RFC4: variants seen among roughly 807,000 people sequenced by gnomAD.
RFC4 encodes replication factor C subunit 4.
In RFC4, 38 loss-of-function variants were observed where a neutral mutation model predicts 47.6. The observed-to-expected ratio is 0.80, with a 90% CI of 0.62 to 1.05. The LOEUF is 1.05. Among genes scored for constraint, RFC4 ranks in the 50% least tolerant of loss-of-function variants. The pLI, the probability that RFC4 is intolerant of heterozygous loss-of-function variation, is 0.00. For missense variants in RFC4, 489 were observed against 434.0 expected (o/e 1.13, Z -1.13); for synonymous variants, 164 against 150.0 (o/e 1.09, Z -0.68).
chr3:186,792,776 G>C (rs778656348), intron 6 of RFC4, 28 bp downstream of exon 6: 1 of 1,584,388 alleles, frequency 6.3e-7, no homozygotes, highest in Admixed American at 1.9e-5. Flanking sequence ...AGGCTGCCTA[G>C]CATCTGTCTT....
rs1035024382 is a variant in RFC4, at chr3:186,796,056, T to C, written c.291-1279A>G. Among the ~76,000 whole-genome samples, 18 of 131,294 alleles carry C rather than the reference T, an allele frequency of 1.4e-4. 1 individual carries two copies. The highest frequency in any genetic ancestry group is 6.8e-4 in the Admixed American group (9 of 13,186). The allele number at this position is 131,294 out of a possible 152,430, so 86.1% of individuals were successfully genotyped here. A position where few individuals can be genotyped will look rare whatever the true frequency, so the allele number is the denominator to read the frequency against. On this transcript the variant is annotated intron_variant, in intron 4 of 10. Transcript: ENST00000296273. This position sits in a 1 kb window ranked among gnomAD's most constrained non-coding sequence, Gnocchi z 4.2. Reference sequence around the variant, plus strand: ...ACACACACACACACACACACACACATTTAAATAAAAAACAAGAGTTGTGAT... The same window carrying C: ...ACACACACACACACACACACACACACTTAAATAAAAAACAAGAGTTGTGAT...
At chr3:186,791,679 C>CA (rs1722141888) in intron 8 of RFC4, 46 bp downstream of exon 8, 2 of 1,595,566 alleles carry the variant, frequency 1.3e-6, no homozygotes, top group Admixed American at 1.7e-5. Context: ...CTAAAAGCCA[C>CA]AAAAAAGCCA....
intron 2 of RFC4, among the ~76,000 whole-genome samples, chr3:186,803,526 CAG>C (rs1722404380): frequency 6.6e-6 from 1 of 151,966 alleles, no homozygotes; most frequent in Non-Finnish European, 1.5e-5. Context: ...TTATTTGAGA[CAG>C]AGTCTCGTTC....
In RFC4 at chr3:186,793,329, T is replaced by G. The variant is rs1399382014; in HGVS notation, c.411-382A>C. Among the ~76,000 whole-genome samples the G allele has an allele frequency of 6.6e-6, 1 of 152,238 alleles. No homozygotes were observed. The highest frequency in any genetic ancestry group is 2.4e-5 in the African/African-American group (1 of 41,466). On this transcript the variant is annotated intron_variant, in intron 5 of 10. Coordinates refer to ENST00000296273, the MANE Select transcript of RFC4 (RefSeq NM_002916.5). The surrounding 1 kb of genome is among the most constrained non-coding windows in gnomAD (Gnocchi z 4.2). ...AAAGGTTCATCCATATTGTAGCATG[T>G]GTTTGCGTCATTCCTTTGTATTGTC...
At position 186,793,017 on chromosome 3, in the gene RFC4, T is replaced by C; in HGVS notation, c.411-70A>G. The C allele has an allele frequency of 3.2e-6, 4 of 1,264,488 alleles. No homozygotes were observed. The highest frequency in any genetic ancestry group is 4.4e-6 in the Non-Finnish European group (4 of 902,290). The allele number at this position is 1,264,488 out of a possible 1,614,324, so 78.3% of individuals were successfully genotyped here. On this transcript the variant is annotated intron_variant, in intron 5 of 10. Coordinates refer to ENST00000296273, the MANE Select transcript of RFC4 (RefSeq NM_002916.5). This position sits in a 1 kb window ranked among gnomAD's most constrained non-coding sequence, Gnocchi z 4.2. ...TGGTTTTAACAGCTTTGTTGAAAGA[T>C]ACACGTACCATACAATTCACCCATT...
At chr3:186,798,486 T>C (rs1383385307) in intron 3 of RFC4, among the ~76,000 whole-genome samples, 1 of 152,032 alleles carries the variant, frequency 6.6e-6, no homozygotes, top group Non-Finnish European at 1.5e-5. Context: ...ATTCTTCACC[T>C]AAATCAGATA....
In RFC4 at chr3:186,790,310, A is replaced by G. The variant is rs1470437893; in HGVS notation, c.882+16T>C. 1.9e-6 allele frequency: 3 copies of G among 1,612,840 alleles called. No individual in the cohort carries two copies. The highest frequency in any genetic ancestry group is 2.5e-6 in the Non-Finnish European group (3 of 1,178,898). Reference sequence around the variant, plus strand: ...ACTTAATATTCCTTTCCCCAAAGTTAGTAAGCTGACTTTACCTTGACCACA... The same window carrying G: ...ACTTAATATTCCTTTCCCCAAAGTTGGTAAGCTGACTTTACCTTGACCACA... On this transcript the variant is annotated intron_variant, in intron 9 of 10. Transcript: ENST00000296273.
chr3:186,790,733 G>A (rs1230167076), intron 8 of RFC4, among the ~76,000 whole-genome samples: 1 of 152,192 alleles, frequency 6.6e-6, no homozygotes, highest in Non-Finnish European at 1.5e-5. Flanking sequence ...CAGTGGCCAA[G>A]ATCAATCAAA....
Position 186,789,924 on chromosome 3 carries a change from TACA to T in RFC4, c.*42_*44del. On this transcript the variant is annotated 3_prime_UTR_variant, in exon 11 of 11. Transcript: ENST00000296273. ...GTGCTTTTGGTCATTTTATTTTTATTACAACTTCATTATTTACAAAACCCCCCA... is the reference window on the plus strand; with the variant it reads ...GTGCTTTTGGTCATTTTATTTTTATTACTTCATTATTTACAAAACCCCCCA... 1 of 1,219,806 alleles carries T rather than the reference TACA, an allele frequency of 8.2e-7. No homozygotes were observed. Among genetic ancestry groups the T allele is most frequent in the Non-Finnish European group, 1.2e-6 (1 of 840,520 alleles). The allele number at this position is 1,219,806 out of a possible 1,614,324, so 75.6% of individuals were successfully genotyped here.
chr3:186,805,727 A>T (rs957670718), intron 1 of RFC4: 2 of 152,230 alleles, frequency 1.3e-5, no homozygotes, highest in Admixed American at 6.5e-5. Flanking sequence ...ACTATTTCTA[A>T]CATGCAGGTA....
chr3:186,797,320 C>G (rs2108470665), intron 4 of RFC4, among the ~76,000 whole-genome samples: 1 of 152,248 alleles, frequency 6.6e-6, no homozygotes, highest in South Asian at 2.1e-4. Flanking sequence ...CACACTTGAA[C>G]AAGATTCACA....
intron 2 of RFC4, among the ~76,000 whole-genome samples, chr3:186,803,237 G>A (rs1187414144): frequency 1.3e-5 from 2 of 151,926 alleles, no homozygotes; most frequent in African/African-American, 4.8e-5. Context: ...CAGCTACTCG[G>A]GAGGCTGAGG....
Position 186,790,701 on chromosome 3 carries a change from C to G in RFC4, c.802-295G>C, listed in dbSNP as rs3917139. 5.3e-5 allele frequency among the ~76,000 whole-genome samples: 8 copies of G among 151,928 alleles called. No individual in the cohort carries two copies. The South Asian group carries it at 1.7e-3, about 32-fold the overall frequency. On this transcript the variant is annotated intron_variant, in intron 8 of 10. Transcript: ENST00000296273. Reference sequence around the variant, plus strand: ...GGATGAAGATTAAGTTTTCCCCTAGCGGCTATAACGATTCCTCAGAACAGT... The same window carrying G: ...GGATGAAGATTAAGTTTTCCCCTAGGGGCTATAACGATTCCTCAGAACAGT...
In RFC4 at chr3:186,796,540, C is replaced by T. The variant is rs1360470960; in HGVS notation, c.290+995G>A. Among the ~76,000 whole-genome samples, 5 of 151,856 alleles carry T rather than the reference C, an allele frequency of 3.3e-5. No homozygotes were observed. Among genetic ancestry groups the T allele is most frequent in the Non-Finnish European group, 7.4e-5 (5 of 67,980 alleles). ...TGTCACCCAGGCTGGAGTGCAGTGG[C>T]GTGATCTCGGCTCACTGCAACCTCT... On this transcript the variant is annotated intron_variant, in intron 4 of 10. Transcript: ENST00000296273. This position sits in a 1 kb window ranked among gnomAD's most constrained non-coding sequence, Gnocchi z 4.2.
At position 186,789,968 on chromosome 3, in the gene RFC4, G is replaced by T; in HGVS notation, c.*1C>A. 2 of 1,585,878 alleles carry T rather than the reference G, an allele frequency of 1.3e-6. No individual in the cohort carries two copies. Among genetic ancestry groups the T allele is most frequent in the Non-Finnish European group, 1.7e-6 (2 of 1,155,276 alleles). ...AAACCCCCCATCCAGATATATTCAC[G>T]TTAACAATTCTGAGATAACTGCTGC... On this transcript the variant is annotated 3_prime_UTR_variant, in exon 11 of 11. Coordinates refer to ENST00000296273, the MANE Select transcript of RFC4 (RefSeq NM_002916.5).
chr3:186,789,960 ATAT>A lies in RFC4; in HGVS notation c.*6_*8del. 6.5e-7 allele frequency: 1 copy of A among 1,543,110 alleles called. No individual in the cohort carries two copies. The highest frequency in any genetic ancestry group is 9.0e-7 in the Non-Finnish European group (1 of 1,116,788). On this transcript the variant is annotated 3_prime_UTR_variant, in exon 11 of 11. Transcript: ENST00000296273. The stretch of plus-strand genomic sequence containing the variant: ...TATTTACAAAACCCCCCATCCAGAT[ATAT>A]TCACGTTAACAATTCTGAGATAACT...
At chr3:186,792,343 A>G (rs1463389217) in intron 7 of RFC4, 147 bp downstream of exon 7, 11 of 657,718 alleles carry the variant, frequency 1.7e-5, no homozygotes, top group Non-Finnish European at 2.6e-5. Context: ...ATTCCTACAC[A>G]TTTCAATTGT....
chr3:186,797,762 G>T, intron 3 of RFC4, 148 bp from the exon 4 acceptor site: 5 of 556,932 alleles, frequency 9.0e-6, no homozygotes, highest in Non-Finnish European at 1.6e-5. Flanking sequence ...TAATATAACT[G>T]ATATCATAGT....
At chr3:186,801,880 G>A (rs1309436301) in intron 2 of RFC4, among the ~76,000 whole-genome samples, 5 of 150,490 alleles carry the variant, frequency 3.3e-5, no homozygotes, top group Admixed American at 6.6e-5. Flanking sequence ...AAAATTAGCC[G>A]GGCATGGTGG....
Sources: gnomAD v4.1 joint callset for allele counts (sites outside exome capture counted in the v4.1 genomes callset) on GRCh38, gnomAD v4.1.1 for gene constraint, Gnocchi (gnomAD v3.1) non-coding constraint, MANE v1.5 for transcripts, NCBI Gene and HGNC (gene_info 2026-07-23, HGNC 2026-07-21) for gene names.